FAM120A: variants seen among roughly 807,000 people sequenced by gnomAD.
The protein encoded by FAM120A is constitutive coactivator of PPAR-gamma-like protein 1.
In FAM120A, 15 loss-of-function variants were observed where a neutral mutation model predicts 109.7. That is an observed-to-expected ratio of 0.14 (90% confidence interval 0.09 to 0.21). The LOEUF (loss-of-function observed/expected upper bound fraction) is 0.21, where lower values mean the gene tolerates loss of function less well. FAM120A is among the 10% of genes least tolerant of loss of function. The probability of loss-of-function intolerance (pLI) is 1.00; values close to 1 mark genes in which losing one functional copy is unlikely to be tolerated. For missense variants in FAM120A, 899 were observed against 1,439.3 expected (o/e 0.62, Z 6.07); for synonymous variants, 493 against 572.8 (o/e 0.86, Z 1.99).
intron 10 of FAM120A, 116 bp from the exon 11 acceptor site, chr9:93,543,106 A>G (rs1861761915): frequency 7.6e-7 from 1 of 1,308,254 alleles, no homozygotes; most frequent in Non-Finnish European, 1.1e-6. Context: ...GAGAGAATGC[A>G]TTGTTACCTG....
At chr9:93,458,786 C>A (rs1299807947) in intron 1 of FAM120A, among the ~76,000 whole-genome samples, 5 of 152,180 alleles carry the variant, frequency 3.3e-5, no homozygotes, top group Non-Finnish European at 1.5e-5. Context: ...CCCAGTGGAA[C>A]TAATCTTGCA....
intron 7 of FAM120A, among the ~76,000 whole-genome samples, chr9:93,524,419 A>G (rs1860978481): frequency 6.6e-6 from 1 of 152,248 alleles, no homozygotes; most frequent in Non-Finnish European, 1.5e-5. Flanking sequence ...AAAAAAAATC[A>G]TTCAGTGACT....
intron 10 of FAM120A, among the ~76,000 whole-genome samples, chr9:93,541,351 G>C (rs918339747): frequency 6.6e-6 from 1 of 152,098 alleles, no homozygotes; most frequent in Non-Finnish European, 1.5e-5. Context: ...GGTGGTTGTG[G>C]AGATGATCCT....
intron 13 of FAM120A, among the ~76,000 whole-genome samples, chr9:93,557,126 G>GT (rs1361346618): frequency 7.0e-5 from 8 of 114,026 alleles, no homozygotes; most frequent in African/African-American, 2.8e-4. Context: ...TGTTTGTTTT[G>GT]GTTTTTTTTT....
At chr9:93,467,269 T>C (rs1177469026) in intron 1 of FAM120A, among the ~76,000 whole-genome samples, 2 of 80,492 alleles carry the variant, frequency 2.5e-5, no homozygotes, top group African/African-American at 4.7e-5. Context: ...TTTTCCCCCA[T>C]TGAATAACTG....
chr9:93,521,542 A>G (rs972112587), intron 7 of FAM120A, among the ~76,000 whole-genome samples: 14 of 151,746 alleles, frequency 9.2e-5, no homozygotes, highest in African/African-American at 2.9e-4. Context: ...TGATGGCACC[A>G]CTGCAGTCCA....
chr9:93,458,657 G>A (rs769983279), intron 1 of FAM120A, among the ~76,000 whole-genome samples: 13 of 152,078 alleles, frequency 8.5e-5, no homozygotes, highest in Non-Finnish European at 1.5e-4. Flanking sequence ...TAAAAATAAC[G>A]GAGTAAAATA....
intron 11 of FAM120A, among the ~76,000 whole-genome samples, chr9:93,545,249 C>T (rs1034164263): frequency 6.6e-6 from 1 of 152,170 alleles, no homozygotes; most frequent in African/African-American, 2.4e-5. Context: ...GGAACTTTGC[C>T]GCCCTGGCCC....
intron 7 of FAM120A, among the ~76,000 whole-genome samples, chr9:93,522,364 C>A (rs1444344694): frequency 2.0e-5 from 3 of 152,174 alleles, no homozygotes; most frequent in African/African-American, 7.2e-5. Flanking sequence ...ACCTTATTTT[C>A]CTCTGCATCT....
At chr9:93,466,781 CCAT>C (rs1858041373) in intron 1 of FAM120A, among the ~76,000 whole-genome samples, 1 of 152,190 alleles carries the variant, frequency 6.6e-6, no homozygotes, top group African/African-American at 2.4e-5. Context: ...TAATGCAGCA[CCAT>C]GAGGTTCATT....
In FAM120A at chr9:93,565,631, G is replaced by T. The variant is rs1369451393; in HGVS notation, c.*1091G>T. On this transcript the variant is annotated 3_prime_UTR_variant, in exon 18 of 18. Transcript: ENST00000277165. ...ACTGCTGTATGCATTATTGTTCTTTGTTGCTGTTTTATGCCTTCATATTAG... is the reference window on the plus strand; with the variant it reads ...ACTGCTGTATGCATTATTGTTCTTTTTTGCTGTTTTATGCCTTCATATTAG... The T allele has an allele frequency of 1.3e-5, 2 of 149,008 alleles. No homozygotes were observed. Among genetic ancestry groups the T allele is most frequent in the Middle Eastern group, 3.2e-3 (1 of 312 alleles). The allele number at this position is 149,008 out of a possible 1,614,324, so 9.2% of individuals were successfully genotyped here.
intron 3 of FAM120A, among the ~76,000 whole-genome samples, chr9:93,492,815 G>C (rs1398333129): frequency 6.6e-6 from 1 of 152,190 alleles, no homozygotes; most frequent in Admixed American, 6.5e-5. Flanking sequence ...TCACTTCAAG[G>C]ATCTTTTAGC....
At chr9:93,482,213 A>C (rs920116134) in intron 3 of FAM120A, among the ~76,000 whole-genome samples, 1 of 102,772 alleles carries the variant, frequency 9.7e-6, no homozygotes, top group Non-Finnish European at 2.0e-5. Context: ...TGGGAGACGG[A>C]GTTTTGCTCC....
At position 93,452,653 on chromosome 9, in the gene FAM120A, G is replaced by A; in HGVS notation, c.474+264G>A. Reference sequence around the variant, plus strand: ...CACTTGAGGGCTGGGAGAGAGCCCCGGACCAGAATTCGGAGGCGACAGTGT... The same window carrying A: ...CACTTGAGGGCTGGGAGAGAGCCCCAGACCAGAATTCGGAGGCGACAGTGT... On this transcript the variant is annotated intron_variant, in intron 1 of 17. Coordinates refer to ENST00000277165, the MANE Select transcript of FAM120A (RefSeq NM_014612.5). This position sits in a 1 kb window ranked among gnomAD's most constrained non-coding sequence, Gnocchi z 7.0. The A allele has an allele frequency of 1.9e-6, 3 of 1,599,028 alleles. No homozygotes were observed. The highest frequency in any genetic ancestry group is 2.2e-5 in the East Asian group (1 of 44,868).
chr9:93,527,820 G>A (rs373856876), intron 8 of FAM120A, among the ~76,000 whole-genome samples: 7 of 151,372 alleles, frequency 4.6e-5, no homozygotes, highest in Non-Finnish European at 7.4e-5. Context: ...ACGGGGTGTC[G>A]CCATGATGGC....
intron 3 of FAM120A, among the ~76,000 whole-genome samples, chr9:93,493,361 A>G (rs1859417744): frequency 6.6e-6 from 1 of 152,168 alleles, no homozygotes; most frequent in African/African-American, 2.4e-5. Flanking sequence ...ATCAAACACA[A>G]TGATGTTGAG....
chr9:93,480,700 T>C (rs924653109), intron 3 of FAM120A, among the ~76,000 whole-genome samples: 1 of 152,030 alleles, frequency 6.6e-6, no homozygotes, highest in African/African-American at 2.4e-5. Context: ...TTAAACTTTT[T>C]CCAATGGCAA....
At chr9:93,551,623 A>G (rs1427039941) in intron 12 of FAM120A, among the ~76,000 whole-genome samples, 3 of 152,090 alleles carry the variant, frequency 2.0e-5, no homozygotes, top group African/African-American at 7.2e-5. Flanking sequence ...CATTCTTTCC[A>G]TGGAGGGGAA....
At chr9:93,558,102 T>C in intron 14 of FAM120A, 92 bp downstream of exon 14, 1 of 1,302,246 alleles carries the variant, frequency 7.7e-7, no homozygotes, top group Non-Finnish European at 1.0e-6. Flanking sequence ...TCTGCTGTGT[T>C]GACCTTGTCA....
Sources: allele counts gnomAD v4.1 joint callset (sites outside exome capture counted in the v4.1 genomes callset), GRCh38; gene constraint gnomAD v4.1.1; non-coding constraint Gnocchi (gnomAD v3.1); transcripts MANE v1.5; gene names NCBI Gene and HGNC (gene_info 2026-07-23, HGNC 2026-07-21).